The following ARHGAP32 variants were observed in gnomAD, a reference collection of about 807,000 sequenced individuals.
ARHGAP32 encodes Rho GTPase activating protein 32.
A neutral mutation model predicts 186.5 loss-of-function variants in ARHGAP32; 51 were observed. The ratio of observed to expected loss-of-function variants is 0.27; its 90% CI spans 0.22 to 0.35. The LOEUF (loss-of-function observed/expected upper bound fraction) is 0.35. ARHGAP32 is among the 10% of genes least tolerant of loss of function. The probability of loss-of-function intolerance (pLI) is 1.00; values close to 1 mark genes in which losing one functional copy is unlikely to be tolerated. For missense variants in ARHGAP32, 2,186 were observed against 2,623.5 expected, an observed-to-expected ratio of 0.83 and a Z score of 3.64; for synonymous variants, 950 against 964.3, an observed-to-expected ratio of 0.99 and a Z score of 0.27.
chr11:129,164,237 G>A (rs980817202), intron 2 of ARHGAP32, 82 bp downstream of exon 2: 3 of 841,560 alleles, frequency 3.6e-6, no homozygotes, highest in Admixed American at 3.1e-5. Context: ...TTTGTGTAAT[G>A]TGTCCTCAGT....
At chr11:129,157,808 A>G (rs997044313) in intron 2 of ARHGAP32, among the ~76,000 whole-genome samples, 3 of 152,192 alleles carry the variant, frequency 2.0e-5, no homozygotes, top group Admixed American at 6.5e-5. Context: ...ATAAAGGAAA[A>G]AATGTTAAGG....
intron 1 of ARHGAP32, among the ~76,000 whole-genome samples, chr11:129,243,120 T>A (rs1259798747): frequency 1.3e-5 from 2 of 152,156 alleles, no homozygotes; most frequent in South Asian, 4.1e-4. Flanking sequence ...CAATTCAAAG[T>A]CAGTCAAAAA....
Position 129,046,989 on chromosome 11 carries a change from A to C in ARHGAP32, c.964-5980T>G, listed in dbSNP as rs181006508. 1.8e-3 allele frequency among the ~76,000 whole-genome samples: 281 copies of C among 152,134 alleles called. 2 individuals are homozygous for C. The highest frequency in any genetic ancestry group is 6.1e-3 in the African/African-American group (254 of 41,522). On this transcript the variant is annotated intron_variant, in intron 10 of 22. Coordinates refer to ENST00000682385, the MANE Select transcript of ARHGAP32 (RefSeq NM_001378024.1). The stretch of plus-strand genomic sequence containing the variant: ...AAAAAATACAAAAAATTAGCCGGGC[A>C]TGGTGGCAGGTGCCTGTAGTCCCAG...
intron 1 of ARHGAP32, among the ~76,000 whole-genome samples, chr11:129,268,664 C>CAAAAA (rs58858606): frequency 0.036 from 1,647 of 46,388 alleles, 205 homozygotes; most frequent in Non-Finnish European, 0.047. Flanking sequence ...GCCTCCTCAC[C>CAAAAA]AAAAAAAAAA....
At chr11:129,263,580 G>A (rs1945352626) in intron 1 of ARHGAP32, among the ~76,000 whole-genome samples, 1 of 145,320 alleles carries the variant, frequency 6.9e-6, no homozygotes, top group African/African-American at 2.5e-5. Context: ...AGGAGAAGGA[G>A]GAAGAGGAGG....
chr11:128,987,279 G>A (rs1313063385), intron 13 of ARHGAP32, among the ~76,000 whole-genome samples: 2 of 152,314 alleles, frequency 1.3e-5, no homozygotes, highest in Admixed American at 1.3e-4. Context: ...CCACGGGCAT[G>A]AGACCACTTA....
At chr11:129,168,833 A>AAT (rs1943692806) in intron 1 of ARHGAP32, among the ~76,000 whole-genome samples, 1 of 152,362 alleles carries the variant, frequency 6.6e-6, no homozygotes, top group East Asian at 1.9e-4. Flanking sequence ...GCAGAACTGC[A>AAT]CTAAAAAGCA....
chr11:129,206,417 G>A (rs1279306739), intron 1 of ARHGAP32, among the ~76,000 whole-genome samples: 4 of 152,144 alleles, frequency 2.6e-5, no homozygotes, highest in South Asian at 4.2e-4. Flanking sequence ...TTGCTATGTT[G>A]TCCCGGCTGG....
chr11:129,123,787 C>G lies in ARHGAP32; in HGVS notation c.359+101G>C. ...TCCTAATTTTGACCCGAATCAATGT[C>G]CATAGAAAAACTGCTATTTTCGGCA... On this transcript the variant is annotated intron_variant, in intron 4 of 22. Transcript: ENST00000682385. This position sits in a 1 kb window ranked among gnomAD's most constrained non-coding sequence, Gnocchi z 4.6. 1 of 1,000,026 alleles carries G rather than the reference C, an allele frequency of 1.0e-6. No homozygotes were observed. The highest frequency in any genetic ancestry group is 1.5e-5 in the South Asian group (1 of 65,686). The allele number at this position is 1,000,026 out of a possible 1,614,324, so 61.9% of individuals were successfully genotyped here.
At position 129,048,014 on chromosome 11, in the gene ARHGAP32, T is replaced by C. The variant is rs114665923; in HGVS notation, c.964-7005A>G. On this transcript the variant is annotated intron_variant, in intron 10 of 22. Coordinates refer to ENST00000682385, the MANE Select transcript of ARHGAP32 (RefSeq NM_001378024.1). ...CCTTACTTTTTAGCTCTGGTTCCAT[T>C]TACTTATAGCCTAGTAATTCTTGTA... is the stretch of plus-strand genomic sequence containing the variant. Among the ~76,000 whole-genome samples, 359 of 152,262 alleles carry C rather than the reference T, an allele frequency of 2.4e-3. 1 individual carries two copies. The highest frequency in any genetic ancestry group is 8.4e-3 in the African/African-American group (350 of 41,548).
At chr11:129,007,278 G>C (rs1040224199) in intron 11 of ARHGAP32, among the ~76,000 whole-genome samples, 1 of 151,636 alleles carries the variant, frequency 6.6e-6, no homozygotes, top group Non-Finnish European at 1.5e-5. Context: ...CTTTTCCCAA[G>C]CAGAAGGAGT....
At chr11:129,235,475 T>G (rs1356121560) in intron 1 of ARHGAP32, among the ~76,000 whole-genome samples, 1 of 152,194 alleles carries the variant, frequency 6.6e-6, no homozygotes, top group Non-Finnish European at 1.5e-5. Context: ...GCACCATTTT[T>G]GGTATTATCT....
chr11:129,131,683 T>A (rs1210582771), intron 2 of ARHGAP32, among the ~76,000 whole-genome samples: 2 of 151,960 alleles, frequency 1.3e-5, no homozygotes, highest in African/African-American at 2.4e-5. Context: ...TCCTCCAACT[T>A]TGGGAATTAT....
intron 1 of ARHGAP32, among the ~76,000 whole-genome samples, chr11:129,205,342 C>T (rs538937970): frequency 6.6e-5 from 10 of 152,236 alleles, no homozygotes; most frequent in African/African-American, 2.4e-4. Flanking sequence ...TCTGACTTTG[C>T]TTACTGATAT....
chr11:129,022,345 T>C lies in ARHGAP32; in HGVS notation c.1045+18583A>G, dbSNP rs577519000. On this transcript the variant is annotated intron_variant, in intron 11 of 22. Transcript: ENST00000682385. ...GAAGTTTGGTGTGGAACTTTGATAC[T>C]ATCAGAGGTGGTTTTTGATTTTGTG... is the stretch of plus-strand genomic sequence containing the variant. Among the ~76,000 whole-genome samples, 12 of 152,308 alleles carry C rather than the reference T, an allele frequency of 7.9e-5. No homozygotes were observed. In the South Asian group the frequency reaches 2.3e-3, roughly 29 times the overall value.
chr11:129,076,085 A>G (rs1941033776), intron 6 of ARHGAP32, among the ~76,000 whole-genome samples: 1 of 152,188 alleles, frequency 6.6e-6, no homozygotes, highest in African/African-American at 2.4e-5. Context: ...ATGTACTAGC[A>G]CGCTAAAAGA....
intron 5 of ARHGAP32, among the ~76,000 whole-genome samples, chr11:129,121,306 T>G (rs1262601340): frequency 6.6e-6 from 1 of 152,104 alleles, no homozygotes. Flanking sequence ...GCTATTATAG[T>G]TCTTTTGCTA....
chr11:129,009,167 T>A (rs1937943786), intron 11 of ARHGAP32, among the ~76,000 whole-genome samples: 1 of 152,186 alleles, frequency 6.6e-6, no homozygotes, highest in South Asian at 2.1e-4. Flanking sequence ...TCTGTTATTA[T>A]CTCTCAAAAG....
chr11:128,977,170 C>A (rs1565351713), intron 19 of ARHGAP32, among the ~76,000 whole-genome samples: 1 of 152,180 alleles, frequency 6.6e-6, no homozygotes, highest in Non-Finnish European at 1.5e-5. Context: ...GGTACCTTGA[C>A]TTCAGACTTT....
Sources: allele counts gnomAD v4.1 joint callset (sites outside exome capture counted in the v4.1 genomes callset), GRCh38; gene constraint gnomAD v4.1.1; non-coding constraint Gnocchi (gnomAD v3.1); transcripts MANE v1.5; gene names NCBI Gene and HGNC (gene_info 2026-07-23, HGNC 2026-07-21).